PPP4R3C: variants seen among roughly 807,000 people sequenced by gnomAD.
PPP4R3C encodes protein PPP4R3C.
For synonymous variants in PPP4R3C, 150 were observed against 86.5 expected, an observed-to-expected ratio of 1.73 and a Z score of -4.07; for missense variants, 372 against 237.3, an observed-to-expected ratio of 1.57 and a Z score of -3.73.
At position 27,462,727 on chromosome X, in the gene PPP4R3C, A is replaced by G. The variant is rs781580921; in HGVS notation, c.570T>C (p.Gly190=). 15 of 520,805 alleles carry G rather than the reference A, an allele frequency of 2.9e-5. No homozygotes were observed. In the African/African-American group the frequency reaches 3.2e-4, roughly 11 times the overall value. The allele number at this position is 520,805 out of a possible 1,213,427, so 42.9% of individuals were successfully genotyped here. Residue 190 remains glycine (G), a synonymous_variant, in exon 1 of 1, where the codon GGT becomes GGC. Transcript: ENST00000412172. ...HTCENLENTE[G]LHHLYEIIKG... ...TAATAATTTCATACAAATGGTGTAA[A>G]CCTTCAGTATTCTCTAGATTTTCAC...
rs1240764251 is a variant in PPP4R3C, at chrX:27,463,185, T to C, written c.112A>G (p.Met38Val). Residue 38 changes from methionine (M) to valine (V), a missense_variant, in exon 1 of 1, where the codon ATG becomes GTG. Coordinates refer to ENST00000412172, the MANE Select transcript of PPP4R3C (RefSeq NM_207319.4). ...SSTYDEQFQG[M>V]SLLVRSDSDG... The stretch of plus-strand genomic sequence containing the variant: ...GAATCTGACCGAACAAGCAGCGACA[T>C]GCCCTGGAACTGCTCGTCATAGGTG... The C allele has an allele frequency of 9.8e-6, 5 of 512,701 alleles. No homozygotes were observed. The highest frequency in any genetic ancestry group is 2.5e-5 in the South Asian group (1 of 40,484). The allele number at this position is 512,701 out of a possible 1,213,427, so 42.3% of individuals were successfully genotyped here.
chrX:27,460,663 A>G lies in PPP4R3C; in HGVS notation c.*135T>C, dbSNP rs1922939003. ...AGAAATTTTGTTTTTACAGAATTAA[A>G]CCCTCTTAACTCGTTATATCTGTGA... is the stretch of plus-strand genomic sequence containing the variant. On this transcript the variant is annotated 3_prime_UTR_variant, in exon 1 of 1. Coordinates refer to ENST00000412172, the MANE Select transcript of PPP4R3C (RefSeq NM_207319.4). The G allele has an allele frequency of 8.9e-6, 3 of 337,945 alleles. No individual in the cohort carries two copies. Among genetic ancestry groups the G allele is most frequent in the Middle Eastern group, 1.6e-3 (2 of 1,230 alleles). 27.9% of individuals were successfully genotyped at this position (337,945 alleles called of 1,213,427 possible). A position where few individuals can be genotyped will look rare whatever the true frequency, so the allele number is the denominator to read the frequency against.
chrX:27,463,276 A>C lies in PPP4R3C; in HGVS notation c.21T>G (p.Ser7Arg), dbSNP rs1309461608. The part of the protein sequence containing the change: MAGLRY[S>R]VKVYVLNEDE... ...CTTCGTTCAGGACATAGACTTTTAC[A>C]CTGTACCTCAGGCCTGCCATAGCGT... Residue 7 changes from serine to arginine, a missense_variant, in exon 1 of 1, where the codon AGT becomes AGG. Coordinates refer to ENST00000412172, the MANE Select transcript of PPP4R3C (RefSeq NM_207319.4). 2.0e-6 allele frequency: 1 copy of C among 509,963 alleles called. No homozygotes were observed. Among genetic ancestry groups the C allele is most frequent in the Non-Finnish European group, 3.5e-6 (1 of 284,992 alleles). The allele number at this position is 509,963 out of a possible 1,213,427, so 42.0% of individuals were successfully genotyped here. A position where few individuals can be genotyped will look rare whatever the true frequency, so the allele number is the denominator to read the frequency against.
Position 27,461,903 on chromosome X carries a change from A to C in PPP4R3C, c.1394T>G (p.Phe465Cys). 1 of 515,072 alleles carries C rather than the reference A, an allele frequency of 1.9e-6. No homozygotes were observed. The highest frequency in any genetic ancestry group is 2.5e-5 in the South Asian group (1 of 40,664). The allele number at this position is 515,072 out of a possible 1,213,427, so 42.4% of individuals were successfully genotyped here. The change falls in exon 1 of 1, where the codon TTC becomes TGC. Residue 465 changes from phenylalanine to cysteine, a missense_variant. Phe to Cys is a radical substitution (Grantham distance 205). Transcript: ENST00000412172. ...TTTATGCATGCAATGTTTGTAGAAG[A>C]AATGTAGAAATTCACTTCTTTCACT... The part of the protein sequence containing the change: ...EKSERSEFLH[F>C]FYKHCMHKFT...
At position 27,461,702 on chromosome X, in the gene PPP4R3C, T is replaced by C. The variant is rs186975317; in HGVS notation, c.1595A>G (p.Tyr532Cys). Residue 532 changes from tyrosine (Y) to cysteine (C), a missense_variant, in exon 1 of 1, where the codon TAT (tyrosine) becomes TGT (cysteine). Tyr to Cys is a radical substitution (Grantham distance 194). Coordinates refer to ENST00000412172, the MANE Select transcript of PPP4R3C (RefSeq NM_207319.4). ...IQHHTFYIRS[Y>C]ILNKDLLRKA... is the part of the protein sequence containing the mutation. ...TCTTAGCAAGTCTTTGTTCAAGATA[T>C]AGCTTCTTATGTAGAATGTATGATG... 3 of 513,849 alleles carry C rather than the reference T, an allele frequency of 5.8e-6. No individual in the cohort carries two copies. Among genetic ancestry groups the C allele is most frequent in the Admixed American group, 2.7e-5 (1 of 37,653 alleles). The allele number at this position is 513,849 out of a possible 1,213,427, so 42.3% of individuals were successfully genotyped here. A position where few individuals can be genotyped will look rare whatever the true frequency, so the allele number is the denominator to read the frequency against.
chrX:27,461,253 C>T lies in PPP4R3C; in HGVS notation c.2044G>A (p.Glu682Lys). The T allele has an allele frequency of 1.9e-6, 1 of 515,382 alleles. No individual in the cohort carries two copies. The highest frequency in any genetic ancestry group is 3.5e-6 in the Non-Finnish European group (1 of 287,074). 42.5% of individuals were successfully genotyped at this position (515,382 alleles called of 1,213,427 possible). A position where few individuals can be genotyped will look rare whatever the true frequency, so the allele number is the denominator to read the frequency against. ...CCTGCATCTTCCATAAAACATATTT[C>T]TTCTTCCAGCCCAATTTCTTCTATG... ...GTIEEIGLEE[E>K]ICFMEDAGEV... Residue 682 changes from glutamate (E) to lysine (K), a missense_variant, in exon 1 of 1, where the codon GAA becomes AAA. Transcript: ENST00000412172.
rs766560439 is a variant in PPP4R3C, at chrX:27,463,034, G to A, written c.263C>T (p.Ala88Val). The change falls in exon 1 of 1, where the codon GCC becomes GTC. Residue 88 changes from alanine to valine, a missense_variant. Ala to Val is a moderately conservative substitution (Grantham distance 64, BLOSUM62 0). Coordinates refer to ENST00000412172, the MANE Select transcript of PPP4R3C (RefSeq NM_207319.4). ...QGLVLKFQDP[A>V]GCQDIWKEIC... is the part of the protein sequence containing the mutation. Reference sequence around the variant, plus strand: ...TTCTTTCCAAATATCCTGGCAGCCGGCTGGGTCCTGGAATTTTAGCACCAA... The same window carrying A: ...TTCTTTCCAAATATCCTGGCAGCCGACTGGGTCCTGGAATTTTAGCACCAA... 1.9e-6 allele frequency: 1 copy of A among 514,810 alleles called. No homozygotes were observed. The highest frequency in any genetic ancestry group is 2.3e-5 in the African/African-American group (1 of 43,759). The allele number at this position is 514,810 out of a possible 1,213,427, so 42.4% of individuals were successfully genotyped here.
In PPP4R3C at chrX:27,461,341, T is replaced by C. The variant is rs1490406357; in HGVS notation, c.1956A>G (p.Arg652=). The part of the protein sequence containing the change: ...LKIKYEKERD[R]QSQIQKNLHS... ...GTAAATTCTTTTGTATTTGACTTTG[T>C]CTGTCTCTCTCTTTTTCATATTTAA... The change falls in exon 1 of 1, where the codon AGA becomes AGG. Residue 652 remains arginine, a synonymous_variant. Transcript: ENST00000412172. 2 of 515,381 alleles carry C rather than the reference T, an allele frequency of 3.9e-6. No individual in the cohort carries two copies. Among genetic ancestry groups the C allele is most frequent in the Non-Finnish European group, 7.0e-6 (2 of 286,955 alleles). The allele number at this position is 515,381 out of a possible 1,213,427, so 42.5% of individuals were successfully genotyped here. A position where few individuals can be genotyped will look rare whatever the true frequency, so the allele number is the denominator to read the frequency against.
At position 27,461,156 on chromosome X, in the gene PPP4R3C, G is replaced by A. The variant is rs1922955337; in HGVS notation, c.2141C>T (p.Ala714Val). Reference protein sequence around the residue: ...METKRTQEGEAVMPPLEDDDK... With the variant: ...METKRTQEGEVVMPPLEDDDK... Reference sequence around the variant, plus strand: ...GTCATCTTCCAGTGGTGGCATAACTGCTTCTCCTTCTTGGGTTCTTTTGGT... The same window carrying A: ...GTCATCTTCCAGTGGTGGCATAACTACTTCTCCTTCTTGGGTTCTTTTGGT... The change falls in exon 1 of 1, where the codon GCA becomes GTA. Residue 714 changes from alanine (A) to valine (V), a missense_variant. Transcript: ENST00000412172. The A allele has an allele frequency of 9.8e-6, 5 of 512,386 alleles. No individual in the cohort carries two copies. In the East Asian group the frequency reaches 1.8e-4, roughly 19 times the overall value. 42.2% of individuals were successfully genotyped at this position (512,386 alleles called of 1,213,427 possible). A position where few individuals can be genotyped will look rare whatever the true frequency, so the allele number is the denominator to read the frequency against.
chrX:27,461,776 T>C lies in PPP4R3C; in HGVS notation c.1521A>G (p.Thr507=), dbSNP rs1337355147. The C allele has an allele frequency of 5.8e-6, 3 of 513,917 alleles. No individual in the cohort carries two copies. Among genetic ancestry groups the C allele is most frequent in the Non-Finnish European group, 7.0e-6 (2 of 286,874 alleles). 42.4% of individuals were successfully genotyped at this position (513,917 alleles called of 1,213,427 possible). A position where few individuals can be genotyped will look rare whatever the true frequency, so the allele number is the denominator to read the frequency against. The change falls in exon 1 of 1, where the codon ACA becomes ACG. Residue 507 remains threonine (T), a synonymous_variant. Coordinates refer to ENST00000412172, the MANE Select transcript of PPP4R3C (RefSeq NM_207319.4). Reference sequence around the variant, plus strand: ...CTAATATCAAAGCAAGCAGTTGTGCTGTTTGATTATCATTGGGGCAATTTT... The same window carrying C: ...CTAATATCAAAGCAAGCAGTTGTGCCGTTTGATTATCATTGGGGCAATTTT... The part of the protein sequence containing the change: ...KSKNCPNDNQ[T]AQLLALILEL...
rs1922936600 is a variant in PPP4R3C at position 27,460,567 on chromosome X, C to G, written c.*231G>C. ...GATGGTTTCCTCCCCCAAATCGTGA[C>G]ACAAATTAAGACTTTCTTGCTAAAA... On this transcript the variant is annotated 3_prime_UTR_variant, in exon 1 of 1. Coordinates refer to ENST00000412172, the MANE Select transcript of PPP4R3C (RefSeq NM_207319.4). The G allele has an allele frequency of 7.4e-6, 2 of 270,116 alleles. No homozygotes were observed. Among genetic ancestry groups the G allele is most frequent in the African/African-American group, 5.6e-5 (2 of 35,421 alleles). 22.3% of individuals were successfully genotyped at this position (270,116 alleles called of 1,213,427 possible).
rs756810118 is a variant in PPP4R3C at position 27,461,275 on chromosome X, T to C, written c.2022A>G (p.Ile674Met). 2.9e-5 allele frequency: 15 copies of C among 514,151 alleles called. No individual in the cohort carries two copies. In the South Asian group the frequency reaches 3.7e-4, roughly 13 times the overall value. The allele number at this position is 514,151 out of a possible 1,213,427, so 42.4% of individuals were successfully genotyped here. A position where few individuals can be genotyped will look rare whatever the true frequency, so the allele number is the denominator to read the frequency against. ...LQNIVVFRGT[I>M]EEIGLEEEIC... is the part of the protein sequence containing the mutation. The stretch of plus-strand genomic sequence containing the variant: ...TTTCTTCTTCCAGCCCAATTTCTTC[T>C]ATGGTACCTCTGAAAACTACTATAT... Residue 674 changes from isoleucine (I) to methionine (M), a missense_variant, in exon 1 of 1, where the codon ATA becomes ATG. Physicochemically the swap from Ile to Met is conservative, Grantham distance 10. Coordinates refer to ENST00000412172, the MANE Select transcript of PPP4R3C (RefSeq NM_207319.4).
rs1357280836 is a variant in PPP4R3C at position 27,463,252 on chromosome X, T to TATG, written c.44_45insCAT (p.Glu15delinsAspIle). On this transcript the variant is annotated protein_altering_variant, in exon 1 of 1. Transcript: ENST00000412172. ...TGCCTAGATTGTTCCATTCCTCGTC[T>TATG]TCGTTCAGGACATAGACTTTTACAC... 1.9e-6 allele frequency: 1 copy of TATG among 514,885 alleles called. No individual in the cohort carries two copies. Among genetic ancestry groups the TATG allele is most frequent in the East Asian group, 3.6e-5 (1 of 27,709 alleles). 42.4% of individuals were successfully genotyped at this position (514,885 alleles called of 1,213,427 possible). A position where few individuals can be genotyped will look rare whatever the true frequency, so the allele number is the denominator to read the frequency against.
At position 27,461,015 on chromosome X, in the gene PPP4R3C, A is replaced by T. The variant is rs1426577832; in HGVS notation, c.2282T>A (p.Val761Glu). The change falls in exon 1 of 1, where the codon GTA becomes GAA. Residue 761 changes from valine (V) to glutamate (E), a missense_variant. Physicochemically the swap from Val to Glu is moderately radical, Grantham distance 121 (BLOSUM62 -2). Coordinates refer to ENST00000412172, the MANE Select transcript of PPP4R3C (RefSeq NM_207319.4). ...TKRNQEHEGK[V>E]DSPKRTSSGD... ...AGAAGATGTTCTTTTGGGAGAGTCT[A>T]CCTTGCCTTCATGTTCTTGGTTTCT... 2.0e-6 allele frequency: 1 copy of T among 512,462 alleles called. No individual in the cohort carries two copies. The highest frequency in any genetic ancestry group is 2.3e-5 in the African/African-American group (1 of 42,988). 42.2% of individuals were successfully genotyped at this position (512,462 alleles called of 1,213,427 possible). A position where few individuals can be genotyped will look rare whatever the true frequency, so the allele number is the denominator to read the frequency against.
At position 27,462,295 on chromosome X, in the gene PPP4R3C, T is replaced by G. The variant is rs193221780; in HGVS notation, c.1002A>C (p.Leu334=). The G allele has an allele frequency of 1.9e-6, 1 of 513,155 alleles. No homozygotes were observed. Among genetic ancestry groups the G allele is most frequent in the African/African-American group, 2.3e-5 (1 of 43,357 alleles). 42.3% of individuals were successfully genotyped at this position (513,155 alleles called of 1,213,427 possible). The change falls in exon 1 of 1, where the codon CTA becomes CTC. Residue 334 remains leucine (L), a synonymous_variant. Transcript: ENST00000412172. ...ATGAACATAACTCCTTGAAAAAAAA[T>G]AGCAATTCACACCGTCTATCATCAT... ...TTHDDRRCEL[L]FFFKELCSFS... is the part of the protein sequence containing the mutation.
rs1382865246 is a variant in PPP4R3C at position 27,462,879 on chromosome X, T to C, written c.418A>G (p.Thr140Ala). Residue 140 changes from threonine (T) to alanine (A), a missense_variant, in exon 1 of 1, where the codon ACA becomes GCA. By Grantham distance (58) the Thr-to-Ala change is moderately conservative. Transcript: ENST00000412172. ...MVVLPDCELN[T>A]LDQIADIVTS... ...ACTATGTCAGCAATTTGATCAAGTG[T>C]ATTGAGTTCACAGTCAGGCAGCACA... 1.2e-5 allele frequency: 6 copies of C among 513,457 alleles called. No individual in the cohort carries two copies. The highest frequency in any genetic ancestry group is 2.1e-5 in the Non-Finnish European group (6 of 286,821). 42.3% of individuals were successfully genotyped at this position (513,457 alleles called of 1,213,427 possible). A position where few individuals can be genotyped will look rare whatever the true frequency, so the allele number is the denominator to read the frequency against.
Position 27,460,997 on chromosome X carries a change from G to C in PPP4R3C, c.2300C>G (p.Thr767Arg), listed in dbSNP as rs770128279. Reference sequence around the variant, plus strand: ...AGAGAATTTGAAGTCACCAGAAGATGTTCTTTTGGGAGAGTCTACCTTGCC... The same window carrying C: ...AGAGAATTTGAAGTCACCAGAAGATCTTCTTTTGGGAGAGTCTACCTTGCC... ...HEGKVDSPKR[T>R]SSGDFKFSSS... Residue 767 changes from threonine (T) to arginine (R), a missense_variant, in exon 1 of 1, where the codon ACA becomes AGA. Thr to Arg is a moderately conservative substitution (Grantham distance 71, BLOSUM62 -1). Coordinates refer to ENST00000412172, the MANE Select transcript of PPP4R3C (RefSeq NM_207319.4). 3.9e-6 allele frequency: 2 copies of C among 514,696 alleles called. No homozygotes were observed. Among genetic ancestry groups the C allele is most frequent in the South Asian group, 4.9e-5 (2 of 40,599 alleles). The allele number at this position is 514,696 out of a possible 1,213,427, so 42.4% of individuals were successfully genotyped here. A position where few individuals can be genotyped will look rare whatever the true frequency, so the allele number is the denominator to read the frequency against.
rs1324080198 is a variant in PPP4R3C, at chrX:27,462,962, T to C, written c.335A>G (p.Asn112Ser). The C allele has an allele frequency of 1.9e-6, 1 of 513,475 alleles. No homozygotes were observed. The highest frequency in any genetic ancestry group is 3.6e-5 in the East Asian group (1 of 27,661). 42.3% of individuals were successfully genotyped at this position (513,475 alleles called of 1,213,427 possible). A position where few individuals can be genotyped will look rare whatever the true frequency, so the allele number is the denominator to read the frequency against. The change falls in exon 1 of 1, where the codon AAC becomes AGC. Residue 112 changes from asparagine (N) to serine (S), a missense_variant. Transcript: ENST00000412172. ...GKDPSIQTTV[N>S]ISDEPEEDFN... The stretch of plus-strand genomic sequence containing the variant: ...GTCTTCCTCTGGTTCATCTGAAATG[T>C]TCACTGTGGTTTGGATAGACGGATC...
In PPP4R3C at chrX:27,460,325, A is replaced by G. The variant is rs1226611317; in HGVS notation, c.*473T>C. 8.9e-6 allele frequency: 1 copy of G among 112,698 alleles called. No homozygotes were observed. The highest frequency in any genetic ancestry group is 9.4e-5 in the Admixed American group (1 of 10,619). 9.3% of individuals were successfully genotyped at this position (112,698 alleles called of 1,213,427 possible). A position where few individuals can be genotyped will look rare whatever the true frequency, so the allele number is the denominator to read the frequency against. On this transcript the variant is annotated 3_prime_UTR_variant, in exon 1 of 1. Transcript: ENST00000412172. The stretch of plus-strand genomic sequence containing the variant: ...TATAGAAATGTCTGAAGAGACTAAC[A>G]TTTTTTATAGTTAACTTTGTTTTTC...
Sources: gnomAD v4.1 joint callset for allele counts on GRCh38, gnomAD v4.1.1 for gene constraint, MANE v1.5 for transcripts, NCBI Gene and HGNC (gene_info 2026-07-23, HGNC 2026-07-21) for gene names.